LRFN5: variants seen among roughly 807,000 people sequenced by gnomAD.
The protein encoded by LRFN5 is leucine-rich repeat and fibronectin type-III domain-containing protein 5.
A neutral mutation model predicts 45.6 loss-of-function variants in LRFN5; 24 were observed. That is an observed-to-expected ratio of 0.53 (90% CI 0.38 to 0.74). LRFN5 has a LOEUF of 0.74. Among genes scored for constraint, LRFN5 ranks in the 30% least tolerant of loss-of-function variants. The probability of loss-of-function intolerance (pLI) is 0.00; values close to 1 mark genes in which losing one functional copy is unlikely to be tolerated. For synonymous variants in LRFN5, 340 were observed against 313.8 expected, an observed-to-expected ratio of 1.08 and a Z score of -0.88; for missense variants, 776 against 861.5, an observed-to-expected ratio of 0.90 and a Z score of 1.24.
chr14:41,900,996 T>A (rs1041716288), intron 5 of LRFN5, among the ~76,000 whole-genome samples: 1 of 152,128 alleles, frequency 6.6e-6, no homozygotes, highest in Non-Finnish European at 1.5e-5. Context: ...TTTCTAAGCA[T>A]AGAGAGTTAA....
chr14:41,755,734 G>C (rs1885346463), intron 1 of LRFN5, among the ~76,000 whole-genome samples: 1 of 152,178 alleles, frequency 6.6e-6, no homozygotes, highest in African/African-American at 2.4e-5. Context: ...GCCAGTCTGT[G>C]TCTTTTAATT....
intron 2 of LRFN5, among the ~76,000 whole-genome samples, chr14:41,869,287 G>A (rs1410536373): frequency 6.6e-6 from 1 of 152,058 alleles, no homozygotes; most frequent in Non-Finnish European, 1.5e-5. Context: ...CAACACCACA[G>A]GTCTGTTAGG....
intron 1 of LRFN5, among the ~76,000 whole-genome samples, chr14:41,762,160 AC>A (rs1286822629): frequency 2.0e-5 from 3 of 150,478 alleles, no homozygotes; most frequent in African/African-American, 7.3e-5. Context: ...AAAAACCTTC[AC>A]CTAAGTTCTA....
At chr14:41,671,965 C>A (rs1398560850) in intron 1 of LRFN5, among the ~76,000 whole-genome samples, 1 of 152,178 alleles carries the variant, frequency 6.6e-6, no homozygotes, top group Non-Finnish European at 1.5e-5. Flanking sequence ...AACCTATTTA[C>A]TAAGCATCTA....
intron 2 of LRFN5, among the ~76,000 whole-genome samples, chr14:41,863,280 C>T (rs1889731237): frequency 6.6e-6 from 1 of 152,138 alleles, no homozygotes. Flanking sequence ...TCAATAATTT[C>T]TCCTCTTGTC....
At chr14:41,879,629 A>T (rs1890304878) in intron 2 of LRFN5, among the ~76,000 whole-genome samples, 2 of 150,952 alleles carry the variant, frequency 1.3e-5, no homozygotes, top group Admixed American at 6.6e-5. Flanking sequence ...GGACATATAG[A>T]TCTCCACCTT....
intron 2 of LRFN5, among the ~76,000 whole-genome samples, chr14:41,857,811 C>T (rs78320071): frequency 0.012 from 1,869 of 152,192 alleles, 15 homozygotes; most frequent in Non-Finnish European, 0.017. Flanking sequence ...AGCAAAAATG[C>T]CAGTGAAGAC....
intron 2 of LRFN5, among the ~76,000 whole-genome samples, chr14:41,883,568 C>T (rs1890462039): frequency 6.6e-6 from 1 of 152,024 alleles, no homozygotes; most frequent in African/African-American, 2.4e-5. Context: ...AAGTATAATC[C>T]TGCCTAGGTT....
intron 2 of LRFN5, among the ~76,000 whole-genome samples, chr14:41,803,023 G>A (rs1173587311): frequency 6.6e-6 from 1 of 152,114 alleles, no homozygotes; most frequent in African/African-American, 2.4e-5. Context: ...AGTTGCCTTA[G>A]TGTTGGTATC....
chr14:41,835,622 A>T (rs1453126160), intron 2 of LRFN5, among the ~76,000 whole-genome samples: 1 of 152,164 alleles, frequency 6.6e-6, no homozygotes, highest in East Asian at 1.9e-4. Flanking sequence ...GCTACCTGGG[A>T]TGCTGAGGTG....
intron 1 of LRFN5, among the ~76,000 whole-genome samples, chr14:41,730,647 A>G (rs962500669): frequency 6.6e-6 from 1 of 151,936 alleles, no homozygotes; most frequent in African/African-American, 2.4e-5. Context: ...TAATGACTAT[A>G]TAGTGTTCAA....
chr14:41,645,885 G>C (rs999355082), intron 1 of LRFN5, among the ~76,000 whole-genome samples: 1 of 151,976 alleles, frequency 6.6e-6, no homozygotes, highest in African/African-American at 2.4e-5. Flanking sequence ...TGTTAAATTG[G>C]GGCAGTTACA....
chr14:41,763,659 A>T (rs1261292628), intron 1 of LRFN5, among the ~76,000 whole-genome samples: 1 of 152,112 alleles, frequency 6.6e-6, no homozygotes, highest in African/African-American at 2.4e-5. Context: ...AGATGTAATG[A>T]TTTTATAAAG....
intron 2 of LRFN5, among the ~76,000 whole-genome samples, chr14:41,865,739 T>G (rs1204274172): frequency 1.3e-5 from 2 of 152,222 alleles, no homozygotes; most frequent in African/African-American, 4.8e-5. Context: ...TGCTTTCATC[T>G]TTCTCTTTGG....
Position 41,766,962 on chromosome 14 carries a change from G to C in LRFN5, c.-88G>C, listed in dbSNP as rs541600379. The C allele has an allele frequency of 1.3e-5, 2 of 152,534 alleles. No individual in the cohort carries two copies. Among genetic ancestry groups the C allele is most frequent in the Non-Finnish European group, 1.5e-5 (1 of 68,032 alleles). 9.4% of individuals were successfully genotyped at this position (152,534 alleles called of 1,614,324 possible). ...CTTTGGAGATGCTTTCACTCTGTCCGTCTTCTGCAGCAGCCAGGCAGAGTG... is the reference window on the plus strand; with the variant it reads ...CTTTGGAGATGCTTTCACTCTGTCCCTCTTCTGCAGCAGCCAGGCAGAGTG... On this transcript the variant is annotated 5_prime_UTR_variant, in exon 2 of 6. Coordinates refer to ENST00000298119, the MANE Select transcript of LRFN5 (RefSeq NM_152447.5).
At chr14:41,898,158 C>CA (rs901552022) in intron 4 of LRFN5, among the ~76,000 whole-genome samples, 2 of 152,026 alleles carry the variant, frequency 1.3e-5, no homozygotes, top group African/African-American at 4.8e-5. Context: ...TCGTGACACT[C>CA]ACCTGTGAAT....
intron 2 of LRFN5, among the ~76,000 whole-genome samples, chr14:41,841,913 T>G (rs2139055349): frequency 6.6e-6 from 1 of 152,056 alleles, no homozygotes; most frequent in East Asian, 1.9e-4. Context: ...TTCTCAAAAC[T>G]CACTATGCCC....
At chr14:41,688,263 A>G (rs1882209467) in intron 1 of LRFN5, among the ~76,000 whole-genome samples, 1 of 152,156 alleles carries the variant, frequency 6.6e-6, no homozygotes, top group Admixed American at 6.5e-5. Context: ...TAATGGGGTG[A>G]CTATAGTCAA....
intron 1 of LRFN5, among the ~76,000 whole-genome samples, chr14:41,709,655 T>C (rs1454525136): frequency 6.6e-6 from 1 of 152,100 alleles, no homozygotes; most frequent in African/African-American, 2.4e-5. Flanking sequence ...CATCTTAATT[T>C]ATCTGTTTTA....
Sources: gnomAD v4.1 joint callset for allele counts (sites outside exome capture counted in the v4.1 genomes callset) on GRCh38, gnomAD v4.1.1 for gene constraint, MANE v1.5 for transcripts, NCBI Gene and HGNC (gene_info 2026-07-23, HGNC 2026-07-21) for gene names.